GAL3ST2: variants seen among roughly 807,000 people sequenced by gnomAD.
The protein encoded by GAL3ST2 is beta-galactose-3-O-sulfotransferase 2.
In GAL3ST2, 16 loss-of-function variants were observed where a neutral mutation model predicts 12.9. That is an observed-to-expected ratio of 1.24 (90% CI 0.84 to 1.88). The LOEUF (loss-of-function observed/expected upper bound fraction) is 1.88. GAL3ST2 is among the 40% of genes most tolerant of loss of function. The pLI, the probability that GAL3ST2 is intolerant of heterozygous loss-of-function variation, is 0.00. For synonymous variants in GAL3ST2, 302 were observed against 273.9 expected (o/e 1.10, Z -1.01); for missense variants, 639 against 571.8 (o/e 1.12, Z -1.20).
At chr2:241,789,214 CT>C (rs1393773594) in intron 1 of GAL3ST2, among the ~76,000 whole-genome samples, 3 of 152,090 alleles carry the variant, frequency 2.0e-5, no homozygotes, top group Non-Finnish European at 2.9e-5. Flanking sequence ...TCTAGCAGGT[CT>C]TTTTTTGCAA....
chr2:241,787,342 T>A (rs1323989521), intron 1 of GAL3ST2, among the ~76,000 whole-genome samples: 1 of 152,198 alleles, frequency 6.6e-6, no homozygotes, highest in Non-Finnish European at 1.5e-5. Flanking sequence ...CTCAAATTTT[T>A]AGGTTCACAT....
At position 241,795,922 on chromosome 2, in the gene GAL3ST2, G is replaced by A. The variant is rs551396857; in HGVS notation, c.30-3143G>A. Among the ~76,000 whole-genome samples the A allele has an allele frequency of 8.1e-4, 124 of 152,346 alleles. No homozygotes were observed. The highest frequency in any genetic ancestry group is 1.5e-3 in the Non-Finnish European group (101 of 68,034). ...GTTCCATTTTGACGTAAGGACTGGAGGGGTGCATTGAAGAATTGTAGAGTG... is the reference window on the plus strand; with the variant it reads ...GTTCCATTTTGACGTAAGGACTGGAAGGGTGCATTGAAGAATTGTAGAGTG... On this transcript the variant is annotated intron_variant, in intron 1 of 3. Transcript: ENST00000192314. This position sits in a 1 kb window ranked among gnomAD's most constrained non-coding sequence, Gnocchi z 4.5.
intron 1 of GAL3ST2, among the ~76,000 whole-genome samples, chr2:241,780,669 A>C (rs1699555147): frequency 6.6e-6 from 1 of 152,216 alleles, no homozygotes; most frequent in South Asian, 2.1e-4. Context: ...TACTTTTTAC[A>C]TAGGCTTTTA....
At chr2:241,788,251 A>T (rs1226365815) in intron 1 of GAL3ST2, among the ~76,000 whole-genome samples, 1 of 151,974 alleles carries the variant, frequency 6.6e-6, no homozygotes. Context: ...GCATTACCTG[A>T]CCTCTTTGGC....
At chr2:241,779,358 C>G (rs947077979) in intron 1 of GAL3ST2, among the ~76,000 whole-genome samples, 3 of 150,494 alleles carry the variant, frequency 2.0e-5, no homozygotes, top group African/African-American at 4.9e-5. Flanking sequence ...CTCAGCCTCC[C>G]GAGTAGCTGG....
intron 1 of GAL3ST2, among the ~76,000 whole-genome samples, chr2:241,790,963 T>C (rs912194341): frequency 9.9e-5 from 15 of 152,234 alleles, no homozygotes; most frequent in African/African-American, 3.4e-4. Flanking sequence ...ACTCAACCAA[T>C]TGTCATCCAG....
chr2:241,791,652 T>G (rs1699694814), intron 1 of GAL3ST2, among the ~76,000 whole-genome samples: 1 of 152,194 alleles, frequency 6.6e-6, no homozygotes, highest in South Asian at 2.1e-4. Context: ...AAGTCTTATC[T>G]GAGATTCCTC....
rs1699495455 is a variant in GAL3ST2 at position 241,776,929 on chromosome 2, T to C, written c.-27T>C. ...CTCGGGGGAGCTCAAGCCTCGACTG[T>C]CCCCTCGCTGGAGGCCAGAGGCCAA... On this transcript the variant is annotated 5_prime_UTR_variant, in exon 1 of 4. Coordinates refer to ENST00000192314, the MANE Select transcript of GAL3ST2 (RefSeq NM_022134.3). The C allele has an allele frequency of 2.0e-6, 3 of 1,520,994 alleles. No individual in the cohort carries two copies. The highest frequency in any genetic ancestry group is 1.9e-5 in the Admixed American group (1 of 52,126). The allele number at this position is 1,520,994 out of a possible 1,614,324, so 94.2% of individuals were successfully genotyped here. A position where few individuals can be genotyped will look rare whatever the true frequency, so the allele number is the denominator to read the frequency against.
rs751166227 is a variant in GAL3ST2, at chr2:241,776,943, G to A, written c.-13G>A. 3.2e-6 allele frequency: 5 copies of A among 1,539,650 alleles called. No homozygotes were observed. The Admixed American group carries it at 7.4e-5, about 23-fold the overall frequency. On this transcript the variant is annotated 5_prime_UTR_variant, in exon 1 of 4. Transcript: ENST00000192314. ...AGCCTCGACTGTCCCCTCGCTGGAGGCCAGAGGCCAAGATGATGTCCATGC... is the reference window on the plus strand; with the variant it reads ...AGCCTCGACTGTCCCCTCGCTGGAGACCAGAGGCCAAGATGATGTCCATGC...
chr2:241,803,742 C>G lies in GAL3ST2; in HGVS notation c.773C>G (p.Ala258Gly), dbSNP rs887456512. ...GCCTTCAGGCTCAACTCCCGCAGCG[C>G]GCGCTCCGTGGCCCGCCTGTCGCCC... ...VVAFRLNSRSARSVARLSPET... is the reference protein window; with the variant it reads ...VVAFRLNSRSGRSVARLSPET... Residue 258 changes from alanine (A) to glycine (G), a missense_variant, in exon 4 of 4, where the codon GCG (alanine) becomes GGG (glycine). Ala to Gly is a moderately conservative substitution (Grantham distance 60, BLOSUM62 0). Transcript: ENST00000192314. The G allele has an allele frequency of 6.6e-7, 1 of 1,526,678 alleles. No individual in the cohort carries two copies. The highest frequency in any genetic ancestry group is 8.8e-7 in the Non-Finnish European group (1 of 1,139,852). 94.6% of individuals were successfully genotyped at this position (1,526,678 alleles called of 1,614,324 possible).
chr2:241,778,424 CT>C (rs1288510619), intron 1 of GAL3ST2, among the ~76,000 whole-genome samples: 3 of 152,258 alleles, frequency 2.0e-5, no homozygotes, highest in Non-Finnish European at 4.4e-5. Context: ...AAAGTGCTCA[CT>C]TGGATGCTTG....
chr2:241,784,192 C>T (rs1431850848), intron 1 of GAL3ST2, among the ~76,000 whole-genome samples: 2 of 152,036 alleles, frequency 1.3e-5, no homozygotes, highest in African/African-American at 4.8e-5. Flanking sequence ...CACCACCACG[C>T]CCGGTTAATT....
At position 241,795,987 on chromosome 2, in the gene GAL3ST2, T is replaced by TAGAAGCGTGGCTGTGGTGGC. The variant is rs1307016179; in HGVS notation, c.30-3076_30-3057dup. On this transcript the variant is annotated intron_variant, in intron 1 of 3. Transcript: ENST00000192314. The surrounding 1 kb of genome is among the most constrained non-coding windows in gnomAD (Gnocchi z 4.5). ...GCCTGGAAGCTCCTGTCCCGTCTCC[T>TAGAAGCGTGGCTGTGGTGGC]AGAAGCGTGGCTGTGGTGGCACTGG... Among the ~76,000 whole-genome samples, 1 of 152,218 alleles carries TAGAAGCGTGGCTGTGGTGGC rather than the reference T, an allele frequency of 6.6e-6. No individual in the cohort carries two copies. Among genetic ancestry groups the TAGAAGCGTGGCTGTGGTGGC allele is most frequent in the Non-Finnish European group, 1.5e-5 (1 of 68,040 alleles).
intron 1 of GAL3ST2, among the ~76,000 whole-genome samples, chr2:241,787,751 C>T (rs747599284): frequency 1.3e-5 from 2 of 152,098 alleles, no homozygotes; most frequent in Admixed American, 6.5e-5. Flanking sequence ...GGGGTTCTGT[C>T]TTGGCTAACG....
Position 241,795,994 on chromosome 2 carries a change from G to A in GAL3ST2, c.30-3071G>A, listed in dbSNP as rs1699768195. On this transcript the variant is annotated intron_variant, in intron 1 of 3. Coordinates refer to ENST00000192314, the MANE Select transcript of GAL3ST2 (RefSeq NM_022134.3). The surrounding 1 kb of genome is among the most constrained non-coding windows in gnomAD (Gnocchi z 4.5). ...AGCTCCTGTCCCGTCTCCTAGAAGC[G>A]TGGCTGTGGTGGCACTGGCATTGGA... Among the ~76,000 whole-genome samples, 2 of 152,212 alleles carry A rather than the reference G, an allele frequency of 1.3e-5. No homozygotes were observed. The highest frequency in any genetic ancestry group is 2.1e-4 in the South Asian group (1 of 4,836).
rs78423262 is a variant in GAL3ST2, at chr2:241,782,768, A to T, written c.29+5784A>T. On this transcript the variant is annotated intron_variant, in intron 1 of 3. Transcript: ENST00000192314. ...GGTGTCCTTTTTACACCCAGGAGTC[A>T]ATGTCCTGTAATTCAGTGTCACAAG... Among the ~76,000 whole-genome samples, 1,025 of 152,160 alleles carry T rather than the reference A, an allele frequency of 6.7e-3. 5 individuals carry two copies. The highest frequency in any genetic ancestry group is 0.044 in the Middle Eastern group (13 of 294).
chr2:241,777,169 T>G (rs1394404135), intron 1 of GAL3ST2, among the ~76,000 whole-genome samples, 185 bp downstream of exon 1: 1 of 152,220 alleles, frequency 6.6e-6, no homozygotes, highest in Non-Finnish European at 1.5e-5. Context: ...GGGCCCCTCC[T>G]GCCCAGGCCT....
rs997166124 is a variant in GAL3ST2, at chr2:241,793,740, GTA to G, written c.30-5323_30-5322del. Among the ~76,000 whole-genome samples, 2 of 150,658 alleles carry G rather than the reference GTA, an allele frequency of 1.3e-5. No homozygotes were observed. Among genetic ancestry groups the G allele is most frequent in the Admixed American group, 6.6e-5 (1 of 15,124 alleles). The stretch of plus-strand genomic sequence containing the variant: ...TATGCATGTGTGTATGTGTGTATAT[GTA>G]TGTGTGTGTGTATTGTGTATGTGTA... On this transcript the variant is annotated intron_variant, in intron 1 of 3. Coordinates refer to ENST00000192314, the MANE Select transcript of GAL3ST2 (RefSeq NM_022134.3). This position sits in a 1 kb window ranked among gnomAD's most constrained non-coding sequence, Gnocchi z 4.7.
intron 1 of GAL3ST2, among the ~76,000 whole-genome samples, chr2:241,797,719 G>A (rs969221123): frequency 2.6e-5 from 4 of 152,192 alleles, no homozygotes; most frequent in African/African-American, 7.2e-5. Context: ...TCCACGTCCC[G>A]GGAGGGTGAA....
Sources: gnomAD v4.1 joint callset for allele counts (sites outside exome capture counted in the v4.1 genomes callset) on GRCh38, gnomAD v4.1.1 for gene constraint, Gnocchi (gnomAD v3.1) non-coding constraint, MANE v1.5 for transcripts, NCBI Gene and HGNC (gene_info 2026-07-23, HGNC 2026-07-21) for gene names.